Variants in KCNN2 observed in about 807,000 individuals in gnomAD.
KCNN2 encodes potassium calcium-activated channel subfamily N member 2.
KCNN2 carries 24 observed loss-of-function variants against 55.5 expected under a neutral mutation model. That is an observed-to-expected ratio of 0.43 (90% CI 0.31 to 0.61). KCNN2 has a LOEUF of 0.61. KCNN2 is among the 20% of genes least tolerant of loss of function. The pLI is 0.08. For missense variants in KCNN2, 754 were observed against 853.6 expected (o/e 0.88, Z 1.45); for synonymous variants, 431 against 336.1 (o/e 1.28, Z -3.09).
intron 1 of KCNN2, among the ~76,000 whole-genome samples, chr5:114,219,197 T>G (rs942521286): frequency 3.9e-5 from 6 of 152,212 alleles, no homozygotes; most frequent in Admixed American, 6.5e-5. Flanking sequence ...ACAGTGCTAT[T>G]TTAGCTCTGC....
At chr5:114,204,898 G>A (rs144044374) in intron 1 of KCNN2, among the ~76,000 whole-genome samples, 10 of 152,274 alleles carry the variant, frequency 6.6e-5, no homozygotes, top group African/African-American at 1.7e-4. Flanking sequence ...TTTCCAAAAC[G>A]TAGTAAAGGT....
intron 6 of KCNN2, 26 bp downstream of exon 6, chr5:114,487,203 C>G: frequency 6.2e-7 from 1 of 1,607,484 alleles, no homozygotes; most frequent in Non-Finnish European, 8.5e-7. Context: ...CATTTTTATC[C>G]TGTTGTTGTG....
intron 3 of KCNN2, among the ~76,000 whole-genome samples, chr5:114,445,870 C>G (rs1428412891): frequency 6.6e-6 from 1 of 152,198 alleles, no homozygotes; most frequent in African/African-American, 2.4e-5. Flanking sequence ...AGCATCTACC[C>G]TGCAGTAACC....
chr5:114,471,919 AT>A (rs1225300814), intron 4 of KCNN2, among the ~76,000 whole-genome samples: 1 of 152,102 alleles, frequency 6.6e-6, no homozygotes, highest in Non-Finnish European at 1.5e-5. Context: ...AAGCCCAAAG[AT>A]GGATTCTTTG....
At chr5:114,096,003 C>G (rs551180410) in intron 1 of KCNN2, among the ~76,000 whole-genome samples, 1 of 152,176 alleles carries the variant, frequency 6.6e-6, no homozygotes, top group East Asian at 1.9e-4. Flanking sequence ...GAAAATGCAC[C>G]TATGGATCTA....
At chr5:114,200,097 A>G (rs1171947560) in intron 1 of KCNN2, among the ~76,000 whole-genome samples, 1 of 152,096 alleles carries the variant, frequency 6.6e-6, no homozygotes, top group Admixed American at 6.6e-5. Flanking sequence ...TTTTTTAGAT[A>G]TATATTCTAA....
At chr5:114,243,674 A>G (rs1754689588) in intron 2 of KCNN2, among the ~76,000 whole-genome samples, 1 of 152,164 alleles carries the variant, frequency 6.6e-6, no homozygotes, top group Non-Finnish European at 1.5e-5. Flanking sequence ...TTAATGTCTT[A>G]CTGTGCCTAA....
At chr5:114,290,005 G>A (rs188046327) in intron 2 of KCNN2, among the ~76,000 whole-genome samples, 1 of 152,112 alleles carries the variant, frequency 6.6e-6, no homozygotes, top group Non-Finnish European at 1.5e-5. Context: ...ACTGTGTTTT[G>A]CTCTTGTACC....
At chr5:114,495,739 A>G (rs1580938381) in intron 7 of KCNN2, among the ~76,000 whole-genome samples, 156 bp from the exon 8 acceptor site, 1 of 152,240 alleles carries the variant, frequency 6.6e-6, no homozygotes, top group East Asian at 1.9e-4. Flanking sequence ...TTGAACACAT[A>G]CAATGAGTTG....
At chr5:114,338,203 A>T (rs566389298) in intron 2 of KCNN2, among the ~76,000 whole-genome samples, 1 of 152,224 alleles carries the variant, frequency 6.6e-6, no homozygotes, top group Non-Finnish European at 1.5e-5. Context: ...CAAATTATTC[A>T]AATGCTATTT....
rs1758292745 is a variant in KCNN2, at chr5:114,386,512, T to A, written c.1219-17926T>A. Among the ~76,000 whole-genome samples, 3 of 152,324 alleles carry A rather than the reference T, an allele frequency of 2.0e-5. No individual in the cohort carries two copies. In the South Asian group the frequency reaches 6.2e-4, roughly 32 times the overall value. On this transcript the variant is annotated intron_variant, in intron 2 of 7. Transcript: ENST00000673685. ...ATATATAGTAAAATGGCTTTCTTTT[T>A]AAAAATTTCCTTCAGATTTTTTATC...
At position 114,487,106 on chromosome 5, in the gene KCNN2, A is replaced by G; in HGVS notation, c.1947A>G (p.Thr649=). ...AAACATGGCTAATTTACAAAAATAC[A>G]AAGCTAGTGAAAAAGATAGATCATG... The part of the protein sequence containing the change: ...LRETWLIYKN[T]KLVKKIDHAK... The change falls in exon 6 of 8, where the codon ACA becomes ACG. Residue 649 remains threonine, a synonymous_variant. Transcript: ENST00000673685. 6.2e-7 allele frequency: 1 copy of G among 1,613,058 alleles called. No individual in the cohort carries two copies. The highest frequency in any genetic ancestry group is 1.1e-5 in the South Asian group (1 of 91,062).
At chr5:114,096,628 C>T (rs926209161) in intron 1 of KCNN2, among the ~76,000 whole-genome samples, 5 of 151,968 alleles carry the variant, frequency 3.3e-5, no homozygotes, top group Non-Finnish European at 7.4e-5. Flanking sequence ...ACTGTAGCCC[C>T]AGGAAGGTCC....
intron 1 of KCNN2, among the ~76,000 whole-genome samples, chr5:114,058,191 A>G (rs1361903145): frequency 1.3e-5 from 2 of 152,208 alleles, no homozygotes; most frequent in Non-Finnish European, 2.9e-5. Context: ...TACAAGCTCA[A>G]TAATAGCATA....
At chr5:114,470,663 A>G (rs1761686739) in intron 4 of KCNN2, among the ~76,000 whole-genome samples, 1 of 152,206 alleles carries the variant, frequency 6.6e-6, no homozygotes, top group South Asian at 2.1e-4. Context: ...TGCATATGGC[A>G]CAAAATATCA....
chr5:114,323,649 A>ATTTTTTTTTTTTTTTTTTTTT (rs6149185), intron 2 of KCNN2, among the ~76,000 whole-genome samples: 2,465 of 85,090 alleles, frequency 0.029, 558 homozygotes, highest in Admixed American at 0.038. Flanking sequence ...AAACATATCA[A>ATTTTTTTTTTTTTTTTTTTTT]TTTTTTTTTT....
intron 2 of KCNN2, among the ~76,000 whole-genome samples, chr5:114,375,141 G>A (rs1179694114): frequency 6.6e-6 from 1 of 152,100 alleles, no homozygotes; most frequent in Non-Finnish European, 1.5e-5. Flanking sequence ...AAAATTGCAT[G>A]GGTGCTATTT....
chr5:114,394,408 C>G (rs1272724240), intron 2 of KCNN2, among the ~76,000 whole-genome samples: 1 of 152,036 alleles, frequency 6.6e-6, no homozygotes, highest in South Asian at 2.1e-4. Flanking sequence ...GTGTTGTGAA[C>G]GTTTTCCCAT....
intron 1 of KCNN2, among the ~76,000 whole-genome samples, chr5:114,134,620 C>T (rs1289672076): frequency 6.6e-6 from 1 of 151,880 alleles, no homozygotes; most frequent in African/African-American, 2.4e-5. Context: ...GGATTACAGG[C>T]GCCTGCCACG....
Sources: gnomAD v4.1 joint callset for allele counts (sites outside exome capture counted in the v4.1 genomes callset) on GRCh38, gnomAD v4.1.1 for gene constraint, MANE v1.5 for transcripts, NCBI Gene and HGNC (gene_info 2026-07-23, HGNC 2026-07-21) for gene names.